NUBPL: variants seen among roughly 807,000 people sequenced by gnomAD.
NUBPL encodes NUBP iron-sulfur cluster assembly factor, mitochondrial, also known as iron-sulfur cluster transfer protein NUBPL.
A neutral mutation model predicts 45.7 loss-of-function variants in NUBPL; 31 were observed. The ratio of observed to expected loss-of-function variants is 0.68; its 90% confidence interval spans 0.51 to 0.92. The LOEUF is 0.92. NUBPL is among the 40% of genes least tolerant of loss of function. NUBPL has a pLI of 0.00. For missense variants in NUBPL, 401 were observed against 398.7 expected (o/e 1.01, Z -0.05); for synonymous variants, 144 against 140.9 (o/e 1.02, Z -0.15).
At chr14:31,833,094 G>A (rs141010525) in intron 8 of NUBPL, among the ~76,000 whole-genome samples, 53 of 152,100 alleles carry the variant, frequency 3.5e-4, no homozygotes, top group African/African-American at 1.1e-3. Flanking sequence ...GGGGCTGGGC[G>A]TGGTGGCTCA....
chr14:31,855,842 C>T (rs964617631), intron 10 of NUBPL, among the ~76,000 whole-genome samples: 5 of 152,100 alleles, frequency 3.3e-5, no homozygotes, highest in African/African-American at 4.8e-5. Context: ...AAGCCCAGCT[C>T]ATCTCTTACT....
At chr14:31,814,678 C>G (rs947934156) in intron 7 of NUBPL, among the ~76,000 whole-genome samples, 33 of 152,172 alleles carry the variant, frequency 2.2e-4, no homozygotes, top group African/African-American at 7.9e-4. Context: ...AGGTCTTACA[C>G]TTAAACCTTT....
At chr14:31,616,560 T>G (rs1021673644) in intron 4 of NUBPL, among the ~76,000 whole-genome samples, 1 of 152,186 alleles carries the variant, frequency 6.6e-6, no homozygotes, top group East Asian at 1.9e-4. Context: ...TTTGTCAGGT[T>G]TGTCAAAGAT....
At chr14:31,819,828 A>G (rs775118996) in intron 7 of NUBPL, among the ~76,000 whole-genome samples, 8 of 152,124 alleles carry the variant, frequency 5.3e-5, no homozygotes, top group Non-Finnish European at 8.8e-5. Context: ...AGACTTAGAC[A>G]TTTACTTTAG....
At chr14:31,706,025 G>T (rs1440078820) in intron 6 of NUBPL, among the ~76,000 whole-genome samples, 1 of 152,210 alleles carries the variant, frequency 6.6e-6, no homozygotes, top group African/African-American at 2.4e-5. Context: ...GTCTTGGCCA[G>T]CCCCAGGTAG....
intron 6 of NUBPL, among the ~76,000 whole-genome samples, chr14:31,680,474 T>C (rs750102947): frequency 6.6e-6 from 1 of 152,142 alleles, no homozygotes; most frequent in Admixed American, 6.5e-5. Flanking sequence ...TTACCACTTA[T>C]TGAAATGATC....
intron 6 of NUBPL, among the ~76,000 whole-genome samples, chr14:31,752,094 G>T (rs2038544812): frequency 6.6e-6 from 1 of 152,168 alleles, no homozygotes; most frequent in African/African-American, 2.4e-5. Context: ...GCTGGGAGGG[G>T]CTGTCATGAA....
At chr14:31,754,591 C>CTTTTTTTTTTTTTTTTTTT (rs59085679) in intron 6 of NUBPL, among the ~76,000 whole-genome samples, 1 of 103,696 alleles carries the variant, frequency 9.6e-6, no homozygotes, top group African/African-American at 3.7e-5. Flanking sequence ...AGAGGGTTTT[C>CTTTTTTTTTTTTTTTTTTT]TTTTTTTTTT....
chr14:31,848,752 A>ATCT (rs1196499829), intron 9 of NUBPL, among the ~76,000 whole-genome samples: 1 of 152,236 alleles, frequency 6.6e-6, no homozygotes, highest in East Asian at 1.9e-4. Flanking sequence ...TCTTGGTCTA[A>ATCT]TCTTCTGTGT....
chr14:31,693,858 T>TC (rs1316450237), intron 6 of NUBPL, among the ~76,000 whole-genome samples: 1 of 65,936 alleles, frequency 1.5e-5, no homozygotes, highest in African/African-American at 4.0e-5. Flanking sequence ...TTTTCTTTTC[T>TC]TTTTTTTTTT....
At chr14:31,611,601 C>G (rs1447599981) in intron 4 of NUBPL, among the ~76,000 whole-genome samples, 3 of 152,098 alleles carry the variant, frequency 2.0e-5, no homozygotes, top group African/African-American at 7.2e-5. Flanking sequence ...ACAGAAGATC[C>G]AGAATAGCCA....
chr14:31,755,385 A>G (rs545395106), intron 6 of NUBPL, among the ~76,000 whole-genome samples: 178 of 152,250 alleles, frequency 1.2e-3, no homozygotes, highest in African/African-American at 3.7e-3. Flanking sequence ...TTCAATGATC[A>G]CCATTCTAAC....
rs536739298 is a variant in NUBPL, at chr14:31,638,709, G to A, written c.383-34646G>A. ...TTTCCAACTTGGTTCCATTCTCCCT[G>A]TCACTTTCAGGTACACCAATCAGAC... is the stretch of plus-strand genomic sequence containing the variant. On this transcript the variant is annotated intron_variant, in intron 4 of 10. Transcript: ENST00000281081. Among the ~76,000 whole-genome samples, 401 of 152,226 alleles carry A rather than the reference G, an allele frequency of 2.6e-3. 7 individuals are homozygous for A. Among genetic ancestry groups the A allele is most frequent in the Non-Finnish European group, 7.8e-4 (53 of 68,014 alleles).
chr14:31,658,151 C>T (rs998266912), intron 4 of NUBPL, among the ~76,000 whole-genome samples: 1 of 152,096 alleles, frequency 6.6e-6, no homozygotes, highest in Admixed American at 6.5e-5. Context: ...AGAAAGAAAC[C>T]TGTTTTCATA....
intron 6 of NUBPL, among the ~76,000 whole-genome samples, chr14:31,786,803 C>A (rs1253823872): frequency 6.6e-6 from 1 of 152,140 alleles, no homozygotes; most frequent in African/African-American, 2.4e-5. Context: ...GAAGAACAGG[C>A]AGAGTGTTCT....
intron 7 of NUBPL, among the ~76,000 whole-genome samples, chr14:31,812,713 G>T (rs1341631772): frequency 6.6e-6 from 1 of 152,150 alleles, no homozygotes; most frequent in Non-Finnish European, 1.5e-5. Context: ...CCCATCTCCT[G>T]TGTGGATCAC....
intron 6 of NUBPL, among the ~76,000 whole-genome samples, chr14:31,685,136 C>T (rs536261573): frequency 6.6e-6 from 1 of 152,264 alleles, no homozygotes; most frequent in Admixed American, 6.5e-5. Flanking sequence ...ATTACAAATC[C>T]TGGGCATGTG....
intron 7 of NUBPL, among the ~76,000 whole-genome samples, chr14:31,793,837 T>TTA (rs1489535190): frequency 3.2e-5 from 4 of 125,064 alleles, no homozygotes; most frequent in Non-Finnish European, 6.1e-5. Context: ...TCTTTTTTTT[T>TTA]TTTATTTTTT....
chr14:31,563,953 A>G (rs2033367410), intron 2 of NUBPL, among the ~76,000 whole-genome samples: 1 of 152,234 alleles, frequency 6.6e-6, no homozygotes. Context: ...TTTTCATTTT[A>G]TAGAAGAGAA....
Sources: gnomAD v4.1 joint callset for allele counts (sites outside exome capture counted in the v4.1 genomes callset) on GRCh38, gnomAD v4.1.1 for gene constraint, MANE v1.5 for transcripts, NCBI Gene and HGNC (gene_info 2026-07-23, HGNC 2026-07-21) for gene names.